SPOCK1: variants seen among roughly 807,000 people sequenced by gnomAD.
The protein encoded by SPOCK1 is SPARC (osteonectin), cwcv and kazal like domains proteoglycan 1, also known as testican-1.
A neutral mutation model predicts 55.3 loss-of-function variants in SPOCK1; 23 were observed. The ratio of observed to expected loss-of-function variants is 0.42; its 90% CI spans 0.30 to 0.59. The LOEUF (loss-of-function observed/expected upper bound fraction) is 0.59, where lower values mean the gene tolerates loss of function less well. Ranked by LOEUF, SPOCK1 falls within the 20% of genes least tolerant of loss-of-function variation. SPOCK1 has a pLI of 0.22. For synonymous variants in SPOCK1, 226 were observed against 221.0 expected (o/e 1.02, Z -0.20); for missense variants, 499 against 552.5 (o/e 0.90, Z 0.97).
intron 3 of SPOCK1, among the ~76,000 whole-genome samples, chr5:137,194,709 A>C (rs1488958572): frequency 1.3e-5 from 2 of 151,946 alleles, no homozygotes; most frequent in African/African-American, 4.8e-5. Context: ...ATTTCCTTCT[A>C]GGAGGGCAGT....
intron 3 of SPOCK1, among the ~76,000 whole-genome samples, chr5:137,259,986 C>A (rs547445295): frequency 1.2e-4 from 19 of 152,320 alleles, no homozygotes; most frequent in Middle Eastern, 3.4e-3. Context: ...ATAAGAGCAT[C>A]ATGCTTCAAA....
At chr5:137,013,965 T>C (rs1308233720) in intron 6 of SPOCK1, among the ~76,000 whole-genome samples, 1 of 152,144 alleles carries the variant, frequency 6.6e-6, no homozygotes, top group Non-Finnish European at 1.5e-5. Context: ...GACTATCTCC[T>C]TCCTTGTTGA....
chr5:137,232,844 C>T (rs1756093115), intron 3 of SPOCK1, among the ~76,000 whole-genome samples: 1 of 152,188 alleles, frequency 6.6e-6, no homozygotes, highest in Admixed American at 6.5e-5. Context: ...TCATTCAGGT[C>T]TTCTTTGATT....
intron 3 of SPOCK1, among the ~76,000 whole-genome samples, chr5:137,160,578 A>ATATAT (rs1754519773): frequency 4.7e-4 from 22 of 47,068 alleles, no homozygotes; most frequent in African/African-American, 1.4e-3. Flanking sequence ...ATATTATATA[A>ATATAT]TATATATAAT....
intron 5 of SPOCK1, among the ~76,000 whole-genome samples, chr5:137,096,745 T>G (rs1192097332): frequency 6.6e-6 from 1 of 151,550 alleles, no homozygotes; most frequent in East Asian, 2.0e-4. Flanking sequence ...AAAAAAATTT[T>G]TTAAAGAATT....
intron 2 of SPOCK1, among the ~76,000 whole-genome samples, chr5:137,424,024 G>T (rs1292431920): frequency 6.6e-6 from 1 of 151,982 alleles, no homozygotes; most frequent in East Asian, 1.9e-4. Flanking sequence ...GGTTGTTCCA[G>T]CAATATTTGT....
intron 2 of SPOCK1, among the ~76,000 whole-genome samples, chr5:137,442,896 G>A (rs1753044526): frequency 6.6e-6 from 1 of 152,320 alleles, no homozygotes. Flanking sequence ...CCAGGTCCCT[G>A]TCATGTGACC....
At chr5:137,043,857 A>C (rs762383681) in intron 6 of SPOCK1, among the ~76,000 whole-genome samples, 1 of 152,238 alleles carries the variant, frequency 6.6e-6, no homozygotes, top group African/African-American at 2.4e-5. Flanking sequence ...AAACGAAATT[A>C]GGTAAAAGCT....
intron 2 of SPOCK1, among the ~76,000 whole-genome samples, chr5:137,285,203 T>C (rs1406322171): frequency 2.0e-5 from 3 of 152,214 alleles, no homozygotes; most frequent in Admixed American, 2.0e-4. Context: ...TTGATTTTGG[T>C]CATTGCTTGT....
intron 6 of SPOCK1, among the ~76,000 whole-genome samples, chr5:137,055,122 A>T (rs1752276264): frequency 6.6e-6 from 1 of 152,222 alleles, no homozygotes; most frequent in South Asian, 2.1e-4. Flanking sequence ...CATGGAAAAC[A>T]GCTCAGCTCG....
chr5:137,322,546 C>CA (rs1757999075), intron 2 of SPOCK1, among the ~76,000 whole-genome samples: 1 of 151,776 alleles, frequency 6.6e-6, no homozygotes, highest in East Asian at 1.9e-4. Context: ...AATAACAAAA[C>CA]AGAGGGGAGA....
At chr5:137,348,493 G>A (rs890107558) in intron 2 of SPOCK1, among the ~76,000 whole-genome samples, 1 of 151,994 alleles carries the variant, frequency 6.6e-6, no homozygotes. Flanking sequence ...GGTGCGGCAG[G>A]GGCATAGCGC....
At chr5:137,321,197 G>GAAAAA (rs754227950) in intron 2 of SPOCK1, among the ~76,000 whole-genome samples, 1 of 83,106 alleles carries the variant, frequency 1.2e-5, no homozygotes. Context: ...ACACCAACCA[G>GAAAAA]AAAAAAAAAA....
chr5:137,137,511 C>T (rs1754007404), intron 4 of SPOCK1, among the ~76,000 whole-genome samples: 1 of 152,212 alleles, frequency 6.6e-6, no homozygotes, highest in Non-Finnish European at 1.5e-5. Context: ...ACAACCACAA[C>T]AAACACACTC....
intron 3 of SPOCK1, among the ~76,000 whole-genome samples, chr5:137,184,421 C>T (rs527499494): frequency 4.4e-4 from 67 of 152,298 alleles, no homozygotes; most frequent in Non-Finnish European, 7.8e-4. Flanking sequence ...GGTCTGTCCT[C>T]GCCCCAGAAT....
intron 2 of SPOCK1, among the ~76,000 whole-genome samples, chr5:137,297,822 A>G (rs1757517620): frequency 6.6e-6 from 1 of 152,186 alleles, no homozygotes; most frequent in Non-Finnish European, 1.5e-5. Flanking sequence ...CTTCTGGCAC[A>G]CTTAATTTTA....
chr5:137,123,089 A>C (rs1157396133), intron 4 of SPOCK1, among the ~76,000 whole-genome samples: 1 of 152,188 alleles, frequency 6.6e-6, no homozygotes, highest in African/African-American at 2.4e-5. Flanking sequence ...ATTCCCCATA[A>C]GACATTAGTG....
At chr5:137,258,442 C>G (rs1358663330) in intron 3 of SPOCK1, among the ~76,000 whole-genome samples, 1 of 152,208 alleles carries the variant, frequency 6.6e-6, no homozygotes, top group African/African-American at 2.4e-5. Flanking sequence ...CAGGTGATGC[C>G]TGCAGGTTTT....
chr5:137,447,986 G>A (rs1475588539), intron 2 of SPOCK1, among the ~76,000 whole-genome samples: 3 of 152,176 alleles, frequency 2.0e-5, no homozygotes, highest in Non-Finnish European at 4.4e-5. Flanking sequence ...AGTGGTTCAT[G>A]CCTGTAATCC....
Sources: allele counts gnomAD v4.1 joint callset (sites outside exome capture counted in the v4.1 genomes callset), GRCh38; gene constraint gnomAD v4.1.1; transcripts MANE v1.5; gene names NCBI Gene and HGNC (gene_info 2026-07-23, HGNC 2026-07-21).